Variants in LUZP2 observed in about 807,000 individuals in gnomAD.
LUZP2 encodes leucine zipper protein 2.
LUZP2 carries 52 observed loss-of-function variants against 51.6 expected under a neutral mutation model. The ratio of observed to expected loss-of-function variants is 1.01; its 90% confidence interval spans 0.81 to 1.27. LUZP2 has a LOEUF of 1.27. Ranked by LOEUF, LUZP2 falls within the 50% of genes most tolerant of loss-of-function variation. The pLI is 0.00. For missense variants in LUZP2, 436 were observed against 395.4 expected, an observed-to-expected ratio of 1.10 and a Z score of -0.87; for synonymous variants, 154 against 137.3, an observed-to-expected ratio of 1.12 and a Z score of -0.85.
chr11:24,755,514 C>G (rs954474019), intron 4 of LUZP2, among the ~76,000 whole-genome samples: 5 of 152,114 alleles, frequency 3.3e-5, no homozygotes, highest in Admixed American at 6.5e-5. Flanking sequence ...TAAAAATAAC[C>G]AAGGATTCGA....
At chr11:24,987,583 G>T (rs768418094) in intron 9 of LUZP2, among the ~76,000 whole-genome samples, 4 of 151,834 alleles carry the variant, frequency 2.6e-5, no homozygotes, top group Non-Finnish European at 4.4e-5. Context: ...CACAACTGTG[G>T]TATCTACTTA....
chr11:24,552,304 T>C (rs1249715839), intron 1 of LUZP2, among the ~76,000 whole-genome samples: 1 of 151,990 alleles, frequency 6.6e-6, no homozygotes, highest in Admixed American at 6.6e-5. Flanking sequence ...TTGATACATT[T>C]CAAAAATGTT....
intron 1 of LUZP2, among the ~76,000 whole-genome samples, chr11:24,663,584 A>C (rs1286517966): frequency 6.6e-6 from 1 of 152,112 alleles, no homozygotes; most frequent in Non-Finnish European, 1.5e-5. Context: ...AATTTTTAAA[A>C]ATCTTTTATC....
intron 9 of LUZP2, among the ~76,000 whole-genome samples, chr11:25,011,234 G>C (rs10767297): frequency 0.38 from 57,865 of 152,026 alleles, 13,352 homozygotes; most frequent in East Asian, 0.77. Context: ...CTGAGAAAAG[G>C]AATGGCTTCA....
chr11:24,805,018 T>A (rs1230539976), intron 5 of LUZP2, among the ~76,000 whole-genome samples: 1 of 151,248 alleles, frequency 6.6e-6, no homozygotes, highest in East Asian at 1.9e-4. Context: ...TTTTTTTTTT[T>A]TTTTGTATTT....
At chr11:24,596,193 T>C (rs1853439932) in intron 1 of LUZP2, among the ~76,000 whole-genome samples, 1 of 152,200 alleles carries the variant, frequency 6.6e-6, no homozygotes, top group African/African-American at 2.4e-5. Flanking sequence ...GAAGCATCAA[T>C]TCAGTAACCT....
At chr11:24,915,354 G>C (rs1853757591) in intron 7 of LUZP2, among the ~76,000 whole-genome samples, 1 of 151,872 alleles carries the variant, frequency 6.6e-6, no homozygotes, top group Admixed American at 6.6e-5. Context: ...CTAAACCTTG[G>C]TTCCTCATAT....
At chr11:24,984,169 A>G (rs1003236617) in intron 9 of LUZP2, among the ~76,000 whole-genome samples, 2 of 151,612 alleles carry the variant, frequency 1.3e-5, no homozygotes, top group African/African-American at 4.8e-5. Context: ...CCTGACTTCT[A>G]AATGCAAATC....
chr11:24,623,420 C>G (rs1203171763), intron 1 of LUZP2, among the ~76,000 whole-genome samples: 1 of 152,042 alleles, frequency 6.6e-6, no homozygotes, highest in Admixed American at 6.6e-5. Context: ...TGATATGACA[C>G]AGATTCATAT....
intron 5 of LUZP2, among the ~76,000 whole-genome samples, chr11:24,825,149 T>C (rs2134166019): frequency 6.6e-6 from 1 of 152,266 alleles, no homozygotes; most frequent in Non-Finnish European, 1.5e-5. Context: ...TGACATCTAG[T>C]TTTTCAATCT....
At chr11:24,742,647 C>G (rs1449020197) in intron 4 of LUZP2, among the ~76,000 whole-genome samples, 1 of 152,016 alleles carries the variant, frequency 6.6e-6, no homozygotes, top group African/African-American at 2.4e-5. Context: ...TGTGTGTTGT[C>G]TGTTTACTCT....
At chr11:24,856,570 C>T (rs933610666) in intron 5 of LUZP2, among the ~76,000 whole-genome samples, 1 of 151,996 alleles carries the variant, frequency 6.6e-6, no homozygotes, top group Non-Finnish European at 1.5e-5. Context: ...AGGTACACAA[C>T]TGTTGGATAT....
chr11:24,777,713 A>T (rs1337144394), intron 5 of LUZP2, among the ~76,000 whole-genome samples: 1 of 152,038 alleles, frequency 6.6e-6, no homozygotes, highest in Non-Finnish European at 1.5e-5. Flanking sequence ...TGGACACTTC[A>T]TTTTATTTTC....
chr11:24,548,515 A>G (rs1851627757), intron 1 of LUZP2, among the ~76,000 whole-genome samples: 3 of 152,062 alleles, frequency 2.0e-5, no homozygotes, highest in African/African-American at 7.2e-5. Context: ...ACACAGGAGC[A>G]CAAAGAAGGG....
intron 9 of LUZP2, among the ~76,000 whole-genome samples, chr11:25,034,689 A>G (rs1222239986): frequency 6.6e-6 from 1 of 152,104 alleles, no homozygotes; most frequent in African/African-American, 2.4e-5. Flanking sequence ...TCCTTCCCCC[A>G]TTGAAAGTTT....
At chr11:24,926,577 G>A (rs1316090946) in intron 7 of LUZP2, among the ~76,000 whole-genome samples, 1 of 145,860 alleles carries the variant, frequency 6.9e-6, no homozygotes. Context: ...ATATATACGT[G>A]TATATATATG....
chr11:24,677,881 C>CA (rs1307895011), intron 1 of LUZP2, among the ~76,000 whole-genome samples: 3 of 151,782 alleles, frequency 2.0e-5, no homozygotes, highest in African/African-American at 4.8e-5. Context: ...ACTAAAAATA[C>CA]AAAAAATTAG....
chr11:24,500,698 A>G (rs1849967481), intron 1 of LUZP2, among the ~76,000 whole-genome samples: 1 of 152,098 alleles, frequency 6.6e-6, no homozygotes, highest in Non-Finnish European at 1.5e-5. Flanking sequence ...TAATAAGGAG[A>G]GAGACATGGC....
At chr11:24,687,590 T>C (rs1856934084) in intron 1 of LUZP2, among the ~76,000 whole-genome samples, 1 of 152,170 alleles carries the variant, frequency 6.6e-6, no homozygotes, top group Non-Finnish European at 1.5e-5. Context: ...ACTGTGATCA[T>C]CATATCTTTC....
Sources: allele counts gnomAD v4.1 joint callset (sites outside exome capture counted in the v4.1 genomes callset), GRCh38; gene constraint gnomAD v4.1.1; transcripts MANE v1.5; gene names NCBI Gene and HGNC (gene_info 2026-07-23, HGNC 2026-07-21).